The following DACH2 variants were observed in gnomAD, a reference collection of about 807,000 sequenced individuals.
DACH2 encodes the protein dachshund homolog 2.
In DACH2, 17 loss-of-function variants were observed where a neutral mutation model predicts 35.8. The ratio of observed to expected loss-of-function variants is 0.48; its 90% CI spans 0.33 to 0.71. DACH2 has a LOEUF of 0.71. DACH2 is among the 30% of genes least tolerant of loss of function. The pLI is 0.02. For synonymous variants in DACH2, 195 were observed against 177.3 expected, an observed-to-expected ratio of 1.10 and a Z score of -0.79; for missense variants, 469 against 472.7, an observed-to-expected ratio of 0.99 and a Z score of 0.07.
chrX:86,406,107 A>G (rs2036523823), intron 2 of DACH2, among the ~76,000 whole-genome samples: 1 of 111,858 alleles, frequency 8.9e-6, no homozygotes, highest in Non-Finnish European at 1.9e-5. Flanking sequence ...TTGGTTTGGG[A>G]CACGGCCAAA....
chrX:86,270,041 T>TATA (rs1569323106), intron 1 of DACH2, among the ~76,000 whole-genome samples: 108 of 84,926 alleles, frequency 1.3e-3, no homozygotes, highest in African/African-American at 5.3e-3. Flanking sequence ...ATATATATAT[T>TATA]TTTTTTTTTT....
chrX:86,761,177 T>G (rs941792183), intron 7 of DACH2, among the ~76,000 whole-genome samples: 1 of 111,054 alleles, frequency 9.0e-6, no homozygotes, highest in Non-Finnish European at 1.9e-5. Flanking sequence ...GTATTTGTCC[T>G]AATGCTCTCC....
At chrX:86,583,517 C>A (rs2039529004) in intron 3 of DACH2, among the ~76,000 whole-genome samples, 1 of 108,279 alleles carries the variant, frequency 9.2e-6, no homozygotes, top group Non-Finnish European at 1.9e-5. Flanking sequence ...AGGAAATTAT[C>A]TTCTATTTCT....
At chrX:86,473,792 C>T (rs2037796993) in intron 2 of DACH2, among the ~76,000 whole-genome samples, 1 of 111,401 alleles carries the variant, frequency 9.0e-6, no homozygotes, top group African/African-American at 3.3e-5. Context: ...ACGTGGCTTC[C>T]AAATCTTAGC....
chrX:86,290,610 G>A (rs2034263735), intron 1 of DACH2, among the ~76,000 whole-genome samples: 1 of 109,345 alleles, frequency 9.1e-6, no homozygotes, highest in Admixed American at 9.9e-5. Flanking sequence ...TCAGGTGTAA[G>A]GAAGGGATCC....
At chrX:86,635,172 A>G (rs998420373) in intron 3 of DACH2, among the ~76,000 whole-genome samples, 1 of 111,054 alleles carries the variant, frequency 9.0e-6, no homozygotes, top group African/African-American at 3.3e-5. Flanking sequence ...TATCTACCTC[A>G]ATCAAGTAGG....
intron 2 of DACH2, among the ~76,000 whole-genome samples, chrX:86,420,766 A>T (rs2036789008): frequency 9.0e-6 from 1 of 111,452 alleles, no homozygotes; most frequent in Admixed American, 9.6e-5. Flanking sequence ...AAACGTTTAA[A>T]GTTATTTGCT....
intron 1 of DACH2, among the ~76,000 whole-genome samples, chrX:86,357,354 T>A (rs1015370990): frequency 8.9e-6 from 1 of 112,392 alleles, no homozygotes; most frequent in East Asian, 2.8e-4. Context: ...TGACACTTAG[T>A]TCTGTGTTTT....
intron 1 of DACH2, among the ~76,000 whole-genome samples, chrX:86,264,740 A>G (rs2033682462): frequency 8.9e-6 from 1 of 111,836 alleles, no homozygotes; most frequent in Non-Finnish European, 1.9e-5. Context: ...TTTTTGTATT[A>G]TAAATAGTAT....
At chrX:86,585,141 A>G (rs2039553127) in intron 3 of DACH2, among the ~76,000 whole-genome samples, 1 of 110,639 alleles carries the variant, frequency 9.0e-6, no homozygotes, top group Middle Eastern at 4.6e-3. Context: ...TGGTAGAATA[A>G]TTTATTTTCC....
chrX:86,360,491 G>A (rs188769834), intron 1 of DACH2, among the ~76,000 whole-genome samples: 7 of 111,408 alleles, frequency 6.3e-5, no homozygotes, highest in Admixed American at 3.8e-4. Flanking sequence ...TAAGGTCATT[G>A]AATTTTTCAG....
intron 11 of DACH2, among the ~76,000 whole-genome samples, chrX:86,825,012 G>T (rs1008606773): frequency 2.5e-4 from 28 of 112,162 alleles, no homozygotes; most frequent in African/African-American, 8.4e-4. Flanking sequence ...GCAGACAAAA[G>T]TAGTAGTTAA....
At chrX:86,714,777 A>C in intron 6 of DACH2, 57 bp downstream of exon 6, 1 of 1,005,181 alleles carries the variant, frequency 9.9e-7, no homozygotes, top group Non-Finnish European at 1.3e-6. Context: ...AATTTTGATA[A>C]AATATTTACA....
At chrX:86,294,733 AG>A (rs1193175029) in intron 1 of DACH2, among the ~76,000 whole-genome samples, 1 of 108,647 alleles carries the variant, frequency 9.2e-6, no homozygotes, top group Non-Finnish European at 1.9e-5. Flanking sequence ...TAGGCTGCTC[AG>A]GGGTCAGGGG....
At chrX:86,581,777 C>T (rs1450764268) in intron 3 of DACH2, among the ~76,000 whole-genome samples, 1 of 111,505 alleles carries the variant, frequency 9.0e-6, no homozygotes, top group South Asian at 3.7e-4. Flanking sequence ...TATAACCACA[C>T]AATAATTTTG....
At chrX:86,325,331 G>C (rs148358174) in intron 1 of DACH2, among the ~76,000 whole-genome samples, 2 of 111,411 alleles carry the variant, frequency 1.8e-5, no homozygotes, top group Non-Finnish European at 3.8e-5. Flanking sequence ...CAAGAGAAAT[G>C]AGTGAAGTGA....
intron 2 of DACH2, among the ~76,000 whole-genome samples, chrX:86,427,921 T>C (rs1183899464): frequency 7.2e-5 from 8 of 111,853 alleles, no homozygotes; most frequent in Non-Finnish European, 1.3e-4. Context: ...AAGCAAAAGA[T>C]TGAGGTAGTG....
At chrX:86,745,145 C>A (rs1367036905) in intron 7 of DACH2, among the ~76,000 whole-genome samples, 2 of 111,533 alleles carry the variant, frequency 1.8e-5, no homozygotes, top group African/African-American at 6.5e-5. Flanking sequence ...GAATTTAGCC[C>A]ATTGAAATGT....
chrX:86,380,907 T>A (rs1172253939), intron 2 of DACH2, among the ~76,000 whole-genome samples: 5 of 110,700 alleles, frequency 4.5e-5, no homozygotes, highest in Non-Finnish European at 9.5e-5. Flanking sequence ...TTGAGATTTA[T>A]CCGTATTGAT....
Sources: gnomAD v4.1 joint callset for allele counts (sites outside exome capture counted in the v4.1 genomes callset) on GRCh38, gnomAD v4.1.1 for gene constraint, MANE v1.5 for transcripts, NCBI Gene and HGNC (gene_info 2026-07-23, HGNC 2026-07-21) for gene names.